The following GLI2 variants were observed in gnomAD, a reference collection of about 807,000 sequenced individuals.
The protein encoded by GLI2 is GLI family zinc finger 2.
GLI2 carries 22 observed loss-of-function variants against 78.9 expected under a neutral mutation model. The observed-to-expected ratio is 0.28, with a 90% CI of 0.20 to 0.40. The LOEUF (loss-of-function observed/expected upper bound fraction) is 0.40, where lower values mean the gene tolerates loss of function less well. Ranked by LOEUF, GLI2 falls within the 10% of genes least tolerant of loss-of-function variation. GLI2 has a pLI of 1.00. For missense variants in GLI2, 2,097 were observed against 2,213.2 expected (o/e 0.95, Z 1.05); for synonymous variants, 974 against 963.7 (o/e 1.01, Z -0.20).
At chr2:120,841,972 C>T (rs1174011066) in intron 2 of GLI2, among the ~76,000 whole-genome samples, 5 of 133,144 alleles carry the variant, frequency 3.8e-5, no homozygotes, top group African/African-American at 1.4e-4. Flanking sequence ...AGGTATTTGG[C>T]TTTTGGTAAG....
At chr2:120,886,817 A>T (rs1227214647) in intron 2 of GLI2, among the ~76,000 whole-genome samples, 1 of 152,182 alleles carries the variant, frequency 6.6e-6, no homozygotes, top group Non-Finnish European at 1.5e-5. Flanking sequence ...GGCTGGGTGG[A>T]TGGCGGTGCC....
Position 120,956,467 on chromosome 2 carries a change from G to A in GLI2, c.643+1037G>A, listed in dbSNP as rs531648587. On this transcript the variant is annotated intron_variant, in intron 5 of 13. Transcript: ENST00000361492. ...TGTGACCCTCTGACCATGAGCCTGC[G>A]GTCAGCAAGGAGCCCGTCTCAAGGA... is the stretch of plus-strand genomic sequence containing the variant. Among the ~76,000 whole-genome samples the A allele has an allele frequency of 5.3e-5, 8 of 152,230 alleles. No individual in the cohort carries two copies. The South Asian group carries it at 1.0e-3, about 20-fold the overall frequency.
chr2:120,834,759 A>C (rs1395782734), intron 2 of GLI2, among the ~76,000 whole-genome samples: 2 of 152,164 alleles, frequency 1.3e-5, no homozygotes, highest in Non-Finnish European at 2.9e-5. Flanking sequence ...GTCCCCCTGC[A>C]GTGATGGCTA....
chr2:120,755,024 G>C (rs1264277783), intron 1 of GLI2, among the ~76,000 whole-genome samples: 1 of 152,030 alleles, frequency 6.6e-6, no homozygotes, highest in East Asian at 1.9e-4. Context: ...GCTAATTTTT[G>C]TATTTTTAGT....
chr2:120,769,277 C>T (rs535760353), intron 1 of GLI2, among the ~76,000 whole-genome samples: 4 of 152,334 alleles, frequency 2.6e-5, no homozygotes, highest in East Asian at 1.9e-4. Flanking sequence ...AGGGCTAAAG[C>T]GCACAGGCCC....
intron 8 of GLI2, 91 bp from the exon 9 acceptor site, chr2:120,974,884 T>C (rs1476301828): frequency 6.3e-7 from 1 of 1,594,426 alleles, no homozygotes; most frequent in Non-Finnish European, 8.6e-7. Context: ...CCAGGGTCCT[T>C]GGCACAGAAT....
rs145361331 is a variant in GLI2, at chr2:120,928,568, G to A, written c.254+1102G>A. ...CTCGCTGAGTGGAGAGCCTCTCCCC[G>A]CCTGCCGCCACCTATGAAGGCACAT... is the stretch of plus-strand genomic sequence containing the variant. On this transcript the variant is annotated intron_variant, in intron 3 of 13. Transcript: ENST00000361492. Among the ~76,000 whole-genome samples the A allele has an allele frequency of 7.9e-5, 12 of 152,146 alleles. No individual in the cohort carries two copies. The East Asian group carries it at 1.4e-3, about 17-fold the overall frequency.
rs1682337026 is a variant in GLI2 at position 120,736,014 on chromosome 2, C to T, written c.-302C>T. Among the ~76,000 whole-genome samples, 1 of 151,856 alleles carries T rather than the reference C, an allele frequency of 6.6e-6. No individual in the cohort carries two copies. Among genetic ancestry groups the T allele is most frequent in the Non-Finnish European group, 1.5e-5 (1 of 67,962 alleles). ...GCGAACGCGGAGGAAGGCCAGGAGCCGCAGGAGGAGCCGGAGGAAAGAGCT... is the reference window on the plus strand; with the variant it reads ...GCGAACGCGGAGGAAGGCCAGGAGCTGCAGGAGGAGCCGGAGGAAAGAGCT... On this transcript the variant is annotated 5_prime_UTR_variant, in exon 1 of 14. Coordinates refer to ENST00000361492, the MANE Select transcript of GLI2 (RefSeq NM_001374353.1).
At chr2:120,893,475 G>A (rs1249068944) in intron 2 of GLI2, among the ~76,000 whole-genome samples, 1 of 152,150 alleles carries the variant, frequency 6.6e-6, no homozygotes, top group African/African-American at 2.4e-5. Flanking sequence ...TTCTGGGAGC[G>A]TTTATAAGAG....
chr2:120,875,243 A>G (rs898759342), intron 2 of GLI2, among the ~76,000 whole-genome samples: 9 of 152,244 alleles, frequency 5.9e-5, no homozygotes, highest in Non-Finnish European at 1.3e-4. Context: ...AGGCTGACTC[A>G]GTGTCTGTTG....
chr2:120,743,215 T>C (rs1475281018), intron 1 of GLI2, among the ~76,000 whole-genome samples: 2 of 152,174 alleles, frequency 1.3e-5, no homozygotes, highest in Non-Finnish European at 2.9e-5. Context: ...GGCTTCCCAT[T>C]TGAATTTGTC....
At position 120,955,384 on chromosome 2, in the gene GLI2, C is replaced by A. The variant is rs149502176; in HGVS notation, c.597C>A (p.Gly199=). 8 of 1,612,042 alleles carry A rather than the reference C, an allele frequency of 5.0e-6. No individual in the cohort carries two copies. Among genetic ancestry groups the A allele is most frequent in the Non-Finnish European group, 6.8e-6 (8 of 1,178,900 alleles). ...PYGDLLMQSG[G]AASAPHLHDY... The stretch of plus-strand genomic sequence containing the variant: ...GGGACCTGCTGATGCAGAGCGGGGG[C>A]GCTGCCAGCGCACCCCATCTCCACG... Residue 199 remains glycine (G), a synonymous_variant, in exon 5 of 14, where the codon GGC becomes GGA. Coordinates refer to ENST00000361492, the MANE Select transcript of GLI2 (RefSeq NM_001374353.1).
chr2:120,881,753 GAGTGGCAC>G (rs1198400691), intron 2 of GLI2, among the ~76,000 whole-genome samples: 3 of 2,556 alleles, frequency 1.2e-3, no homozygotes, highest in Admixed American at 3.7e-3. Flanking sequence ...GAACAGTGCG[GAGTGGCAC>G]GGTCGCCGGG....
At chr2:120,960,022 G>A (rs1029434035) in intron 5 of GLI2, among the ~76,000 whole-genome samples, 7 of 152,230 alleles carry the variant, frequency 4.6e-5, no homozygotes, top group African/African-American at 1.7e-4. Flanking sequence ...AAGGAGAACA[G>A]GCCTTCTCTC....
chr2:120,978,623 C>G, intron 10 of GLI2, 40 bp downstream of exon 10: 2 of 1,608,516 alleles, frequency 1.2e-6, no homozygotes, highest in Non-Finnish European at 1.7e-6. Context: ...AGCATCAAGA[C>G]TGGCCTGTCA....
At chr2:120,866,629 G>C (rs564412550) in intron 2 of GLI2, 1 of 150,688 alleles carries the variant, frequency 6.6e-6, no homozygotes, top group South Asian at 2.1e-4. Context: ...CAGCATCCTT[G>C]CACATGGCAC....
intron 2 of GLI2, among the ~76,000 whole-genome samples, chr2:120,878,411 T>G (rs1688868228): frequency 1.3e-5 from 2 of 152,236 alleles, no homozygotes; most frequent in African/African-American, 4.8e-5. Flanking sequence ...CACTTTATGG[T>G]GTTTAAAGAC....
intron 5 of GLI2, among the ~76,000 whole-genome samples, chr2:120,964,904 C>T (rs150306647): frequency 1.1e-3 from 160 of 152,350 alleles, no homozygotes; most frequent in African/African-American, 3.7e-3. Flanking sequence ...TTCTTTGGAC[C>T]TGGGTTCAAA....
chr2:120,988,119 G>A, intron 13 of GLI2, 89 bp from the exon 14 acceptor site: 1 of 1,157,360 alleles, frequency 8.6e-7, no homozygotes, highest in Non-Finnish European at 1.2e-6. Context: ...CCTCTTCTCG[G>A]GCTCCAGGCC....
Sources: gnomAD v4.1 joint callset for allele counts (sites outside exome capture counted in the v4.1 genomes callset) on GRCh38, gnomAD v4.1.1 for gene constraint, MANE v1.5 for transcripts, NCBI Gene and HGNC (gene_info 2026-07-23, HGNC 2026-07-21) for gene names.